Variants in KIAA1328 observed in about 807,000 individuals in gnomAD.
The protein encoded by KIAA1328 is KIAA1328.
A neutral mutation model predicts 68.1 loss-of-function variants in KIAA1328; 52 were observed. The ratio of observed to expected loss-of-function variants is 0.76; its 90% CI spans 0.61 to 0.96. KIAA1328 has a LOEUF of 0.96. Ranked by LOEUF, KIAA1328 falls within the 40% of genes least tolerant of loss-of-function variation. KIAA1328 has a pLI of 0.00. For missense variants in KIAA1328, 641 were observed against 677.6 expected, an observed-to-expected ratio of 0.95 and a Z score of 0.60; for synonymous variants, 232 against 239.4, an observed-to-expected ratio of 0.97 and a Z score of 0.28.
At chr18:36,975,504 C>G (rs532998384) in intron 6 of KIAA1328, among the ~76,000 whole-genome samples, 4 of 152,258 alleles carry the variant, frequency 2.6e-5, no homozygotes, top group African/African-American at 7.2e-5. Flanking sequence ...TTCTAAACAC[C>G]CTTTTCCCTT....
At chr18:36,950,092 T>C (rs1012869103) in intron 5 of KIAA1328, among the ~76,000 whole-genome samples, 1 of 152,158 alleles carries the variant, frequency 6.6e-6, no homozygotes, top group African/African-American at 2.4e-5. Flanking sequence ...GCATATATTA[T>C]CAATGAGTCC....
intron 5 of KIAA1328, among the ~76,000 whole-genome samples, chr18:36,934,914 T>C (rs1449314391): frequency 6.6e-6 from 1 of 152,200 alleles, no homozygotes; most frequent in East Asian, 1.9e-4. Context: ...TATTTACATA[T>C]TGGTCCAAGT....
At chr18:36,898,801 C>T (rs1190602376) in intron 5 of KIAA1328, among the ~76,000 whole-genome samples, 14 of 151,792 alleles carry the variant, frequency 9.2e-5, no homozygotes, top group Non-Finnish European at 1.5e-4. Flanking sequence ...TTTTGTTTTT[C>T]CATTGTTGAA....
At chr18:37,170,399 T>G (rs1002096328) in intron 8 of KIAA1328, among the ~76,000 whole-genome samples, 2 of 152,334 alleles carry the variant, frequency 1.3e-5, no homozygotes, top group Non-Finnish European at 1.5e-5. Flanking sequence ...TAATATAATT[T>G]AAAGACTGTT....
intron 6 of KIAA1328, among the ~76,000 whole-genome samples, chr18:37,011,536 A>G (rs1035985574): frequency 6.6e-6 from 1 of 152,180 alleles, no homozygotes; most frequent in African/African-American, 2.4e-5. Context: ...ATTTACCCAA[A>G]TGAAATGAAA....
chr18:36,944,107 C>A (rs902096619), intron 5 of KIAA1328, among the ~76,000 whole-genome samples: 1 of 152,100 alleles, frequency 6.6e-6, no homozygotes, highest in African/African-American at 2.4e-5. Flanking sequence ...ATTGTCTTAC[C>A]TACACTTCAT....
chr18:37,088,325 G>A (rs544719657), intron 7 of KIAA1328, among the ~76,000 whole-genome samples: 2 of 152,186 alleles, frequency 1.3e-5, no homozygotes, highest in South Asian at 2.1e-4. Context: ...ATAGAGATAC[G>A]TATTCAATCA....
Position 36,829,273 on chromosome 18 carries a change from C to G in KIAA1328, c.58+77C>G, listed in dbSNP as rs781373985. The G allele has an allele frequency of 8.9e-4, 1,289 of 1,446,678 alleles. 3 individuals are homozygous for G. The highest frequency in any genetic ancestry group is 1.1e-3 in the Non-Finnish European group (1,200 of 1,104,804). The allele number at this position is 1,446,678 out of a possible 1,614,324, so 89.6% of individuals were successfully genotyped here. ...AGGGGCGAGCCGTCGCGTGGCAGTCCGAGAGCGGAGGAGAAGCTCCGAACT... is the reference window on the plus strand; with the variant it reads ...AGGGGCGAGCCGTCGCGTGGCAGTCGGAGAGCGGAGGAGAAGCTCCGAACT... On this transcript the variant is annotated intron_variant, in intron 1 of 9. Coordinates refer to ENST00000280020, the MANE Select transcript of KIAA1328 (RefSeq NM_020776.3).
In KIAA1328 at chr18:37,047,758, C is replaced by T. The variant is rs557017707; in HGVS notation, c.577-19132C>T. 2.6e-5 allele frequency among the ~76,000 whole-genome samples: 4 copies of T among 152,234 alleles called. No individual in the cohort carries two copies. In the East Asian group the frequency reaches 5.8e-4, roughly 22 times the overall value. ...ATAGCACTCTTGATAGACTTTATCA[C>T]GTAAAATGGTTTTCCCCTTTTGCCA... On this transcript the variant is annotated intron_variant, in intron 6 of 9. Coordinates refer to ENST00000280020, the MANE Select transcript of KIAA1328 (RefSeq NM_020776.3).
Position 37,222,224 on chromosome 18 carries a change from T to A in KIAA1328, c.1731T>A (p.Ile577=). The A allele has an allele frequency of 6.4e-7, 1 of 1,557,580 alleles. No homozygotes were observed. The highest frequency in any genetic ancestry group is 8.7e-7 in the Non-Finnish European group (1 of 1,150,046). ...AGATTCTGGAAGATATATTTTTCAT[T>A]TGACATATTGCAAAATTTTCTTAGG... The part of the protein sequence containing the change: ...ENQILEDIFF[I] Residue 577 remains isoleucine (I), a synonymous_variant, in exon 10 of 10, where the codon ATT becomes ATA. Coordinates refer to ENST00000280020, the MANE Select transcript of KIAA1328 (RefSeq NM_020776.3).
At chr18:36,887,532 G>A (rs1010476832) in intron 5 of KIAA1328, among the ~76,000 whole-genome samples, 1 of 151,888 alleles carries the variant, frequency 6.6e-6, no homozygotes, top group Non-Finnish European at 1.5e-5. Context: ...AAGAGGTCCT[G>A]GTAATTATGA....
chr18:37,032,521 C>T (rs750390791), intron 6 of KIAA1328, among the ~76,000 whole-genome samples: 6 of 151,334 alleles, frequency 4.0e-5, no homozygotes, highest in South Asian at 2.1e-4. Flanking sequence ...TTTCATCTTT[C>T]GTATCTATTT....
chr18:37,214,403 G>A (rs2060383164), intron 9 of KIAA1328, among the ~76,000 whole-genome samples: 1 of 152,152 alleles, frequency 6.6e-6, no homozygotes, highest in Non-Finnish European at 1.5e-5. Flanking sequence ...TTATTAAATA[G>A]GGAATCCTTT....
chr18:36,993,077 A>G (rs904768016), intron 6 of KIAA1328, among the ~76,000 whole-genome samples: 2 of 152,122 alleles, frequency 1.3e-5, no homozygotes, highest in African/African-American at 4.8e-5. Context: ...CTGCACTTCA[A>G]CCTGGGTGAG....
In KIAA1328 at chr18:37,123,154, C is replaced by T. The variant is rs957401275; in HGVS notation, c.1233-37046C>T. Among the ~76,000 whole-genome samples, 4 of 152,140 alleles carry T rather than the reference C, an allele frequency of 2.6e-5. No homozygotes were observed. In the East Asian group the frequency reaches 7.7e-4, roughly 29 times the overall value. ...TGGCTGTGAGACTGAAGAGAGAAAG[C>T]ATTCTCACTTGTTAGTATACTAGAG... On this transcript the variant is annotated intron_variant, in intron 7 of 9. Transcript: ENST00000280020.
At position 36,892,622 on chromosome 18, in the gene KIAA1328, G is replaced by A. The variant is rs190758531; in HGVS notation, c.448+6950G>A. On this transcript the variant is annotated intron_variant, in intron 5 of 9. Transcript: ENST00000280020. ...GTTTTACTGATCTGATAATCATCAC[G>A]AATACTACAGAAGTTGTATTTCTTG... Among the ~76,000 whole-genome samples, 39 of 152,102 alleles carry A rather than the reference G, an allele frequency of 2.6e-4. No individual in the cohort carries two copies. The East Asian group carries it at 6.6e-3, about 26-fold the overall frequency.
At chr18:37,130,918 T>C (rs536646488) in intron 7 of KIAA1328, among the ~76,000 whole-genome samples, 1 of 152,310 alleles carries the variant, frequency 6.6e-6, no homozygotes, top group African/African-American at 2.4e-5. Context: ...GGCTTTGTGC[T>C]CCATCCTGTC....
chr18:36,940,703 G>A (rs1275299370), intron 5 of KIAA1328, among the ~76,000 whole-genome samples: 2 of 141,994 alleles, frequency 1.4e-5, no homozygotes, highest in East Asian at 4.1e-4. Context: ...TTGAGACGGA[G>A]TCTCGCTCTG....
chr18:36,857,084 G>C (rs889011911), intron 4 of KIAA1328, among the ~76,000 whole-genome samples: 3 of 152,030 alleles, frequency 2.0e-5, no homozygotes, highest in African/African-American at 7.3e-5. Context: ...TAGCCTCCTT[G>C]CACTGCTAAG....
Sources: allele counts gnomAD v4.1 joint callset (sites outside exome capture counted in the v4.1 genomes callset), GRCh38; gene constraint gnomAD v4.1.1; transcripts MANE v1.5; gene names NCBI Gene and HGNC (gene_info 2026-07-23, HGNC 2026-07-21).